The following COL28A1 variants were observed in gnomAD, a reference collection of about 807,000 sequenced individuals.
The protein encoded by COL28A1 is collagen type XXVIII alpha 1 chain, also known as collagen alpha-1(XXVIII) chain.
In COL28A1, 161 loss-of-function variants were observed where a neutral mutation model predicts 150.2. The observed-to-expected ratio is 1.07, with a 90% CI of 0.94 to 1.22. The LOEUF is 1.22. COL28A1 is among the 50% of genes most tolerant of loss of function. The probability of loss-of-function intolerance (pLI) is 0.00; values close to 1 mark genes in which losing one functional copy is unlikely to be tolerated. For synonymous variants in COL28A1, 552 were observed against 469.7 expected (o/e 1.18, Z -2.26); for missense variants, 1,617 against 1,388.3 (o/e 1.16, Z -2.62).
chr7:7,418,506 G>A (rs868017094), intron 26 of COL28A1, among the ~76,000 whole-genome samples: 23 of 152,256 alleles, frequency 1.5e-4, no homozygotes, highest in Admixed American at 1.3e-3. Context: ...AATAGCATGC[G>A]CTTTCCCTTG....
At chr7:7,508,892 G>T (rs1485235106) in intron 9 of COL28A1, among the ~76,000 whole-genome samples, 2 of 151,960 alleles carry the variant, frequency 1.3e-5, no homozygotes, top group Non-Finnish European at 2.9e-5. Flanking sequence ...GGAGTGCAAT[G>T]GCACAATCTC....
chr7:7,431,938 A>G (rs1469376510), intron 25 of COL28A1, among the ~76,000 whole-genome samples: 1 of 152,308 alleles, frequency 6.6e-6, no homozygotes, highest in East Asian at 1.9e-4. Context: ...ACAAAGGATG[A>G]TGCTTAATCC....
intron 25 of COL28A1, among the ~76,000 whole-genome samples, chr7:7,424,268 A>G (rs1784534389): frequency 6.6e-6 from 1 of 152,184 alleles, no homozygotes; most frequent in Non-Finnish European, 1.5e-5. Flanking sequence ...CCACAGAAGT[A>G]GTGTCTCTCC....
chr7:7,418,841 G>C (rs566106384), intron 26 of COL28A1, among the ~76,000 whole-genome samples: 2 of 152,202 alleles, frequency 1.3e-5, no homozygotes, highest in East Asian at 3.9e-4. Context: ...CATCTTGGGG[G>C]GATCTTCATC....
chr7:7,432,684 C>T lies in COL28A1; in HGVS notation c.1877G>A (p.Arg626Gln), dbSNP rs1389084428. The T allele has an allele frequency of 5.0e-6, 8 of 1,613,726 alleles. No homozygotes were observed. In the South Asian group the frequency reaches 5.5e-5, roughly 11 times the overall value. ...GAGTCCTGGAGCACCCACTGGTCCC[C>T]GAGGGCCTTGGACACCCTGGGTAAA... is the stretch of plus-strand genomic sequence containing the variant. ...IRGPKGVQGP[R>Q]GPVGAPGLKG... Residue 626 changes from arginine to glutamine, a missense_variant, in exon 24 of 35, where the codon CGG becomes CAG. Coordinates refer to ENST00000399429, the MANE Select transcript of COL28A1 (RefSeq NM_001037763.3).
intron 34 of COL28A1, 84 bp downstream of exon 34, chr7:7,360,306 G>T (rs960056747): frequency 3.8e-6 from 5 of 1,319,208 alleles, no homozygotes; most frequent in Non-Finnish European, 4.0e-6. Flanking sequence ...GTAGCAGATT[G>T]GCAGATCTCT....
At chr7:7,372,465 C>A (rs895198312) in intron 32 of COL28A1, among the ~76,000 whole-genome samples, 1 of 151,224 alleles carries the variant, frequency 6.6e-6, no homozygotes, top group African/African-American at 2.4e-5. Flanking sequence ...GAGATAAATT[C>A]CCGATATCAA....
chr7:7,387,845 C>T (rs1397082429), intron 27 of COL28A1, among the ~76,000 whole-genome samples: 1 of 152,092 alleles, frequency 6.6e-6, no homozygotes, highest in African/African-American at 2.4e-5. Context: ...GGTACTTTGC[C>T]TACTCAAAGT....
At chr7:7,427,757 G>C (rs1393040785) in intron 25 of COL28A1, among the ~76,000 whole-genome samples, 1 of 152,092 alleles carries the variant, frequency 6.6e-6, no homozygotes, top group Admixed American at 6.5e-5. Flanking sequence ...TTTGGGTTTG[G>C]GGTTTATGCT....
intron 14 of COL28A1, 133 bp downstream of exon 14, chr7:7,476,979 C>A: frequency 1.7e-6 from 1 of 594,828 alleles, no homozygotes; most frequent in Non-Finnish European, 3.0e-6. Context: ...TTACATATTC[C>A]TTCATTAAAT....
chr7:7,376,499 C>G (rs1221143099), intron 30 of COL28A1, among the ~76,000 whole-genome samples: 1 of 152,056 alleles, frequency 6.6e-6, no homozygotes, highest in East Asian at 1.9e-4. Flanking sequence ...ACATCTACTG[C>G]AGTGCTGAGT....
At chr7:7,376,579 G>A (rs939206983) in intron 30 of COL28A1, among the ~76,000 whole-genome samples, 6 of 151,626 alleles carry the variant, frequency 4.0e-5, no homozygotes, top group South Asian at 4.2e-4. Flanking sequence ...ATGCTTTTCC[G>A]CATTTAAAAA....
At position 7,412,239 on chromosome 7, in the gene COL28A1, T is replaced by C. The variant is rs1032878483; in HGVS notation, c.2136+5620A>G. Among the ~76,000 whole-genome samples the C allele has an allele frequency of 3.3e-5, 5 of 152,158 alleles. No homozygotes were observed. In the Middle Eastern group the frequency reaches 0.01, roughly 311 times the overall value. On this transcript the variant is annotated intron_variant, in intron 27 of 34. Transcript: ENST00000399429. ...TCCCTTTTTGCCTGCTGGGTGTAAG[T>C]GATAAAGAGGCCCAGCCAACAGAAG...
At chr7:7,387,477 T>C (rs2128292446) in intron 27 of COL28A1, among the ~76,000 whole-genome samples, 1 of 152,290 alleles carries the variant, frequency 6.6e-6, no homozygotes, top group Non-Finnish European at 1.5e-5. Context: ...ATTATTGTAC[T>C]GTGTTATATA....
intron 31 of COL28A1, 135 bp downstream of exon 31, chr7:7,375,326 T>G: frequency 1.3e-6 from 1 of 752,958 alleles, no homozygotes; most frequent in Non-Finnish European, 1.9e-6. Context: ...TCAGTTTCCA[T>G]CGACTTTTCA....
chr7:7,520,923 A>G (rs1781689178), intron 5 of COL28A1, among the ~76,000 whole-genome samples: 1 of 152,184 alleles, frequency 6.6e-6, no homozygotes, highest in Non-Finnish European at 1.5e-5. Context: ...CTGCCCCACT[A>G]TCATATAACG....
chr7:7,433,373 C>T (rs1785117126), intron 23 of COL28A1, among the ~76,000 whole-genome samples: 2 of 152,094 alleles, frequency 1.3e-5, no homozygotes, highest in African/African-American at 2.4e-5. Flanking sequence ...CGGTGGCTCA[C>T]GCCTGTAATC....
At chr7:7,364,082 C>T (rs1199338918) in intron 33 of COL28A1, among the ~76,000 whole-genome samples, 1 of 152,158 alleles carries the variant, frequency 6.6e-6, no homozygotes, top group Non-Finnish European at 1.5e-5. Flanking sequence ...AAGTTGGTCT[C>T]CATCCGCAAA....
intron 8 of COL28A1, among the ~76,000 whole-genome samples, chr7:7,513,589 G>A (rs1443927858): frequency 6.6e-6 from 1 of 152,186 alleles, no homozygotes; most frequent in African/African-American, 2.4e-5. Context: ...ATTTATTTCT[G>A]AATGCAAATG....
Sources: allele counts gnomAD v4.1 joint callset (sites outside exome capture counted in the v4.1 genomes callset), GRCh38; gene constraint gnomAD v4.1.1; transcripts MANE v1.5; gene names NCBI Gene and HGNC (gene_info 2026-07-23, HGNC 2026-07-21).